The following CTNNA3 variants were observed in gnomAD, a reference collection of about 807,000 sequenced individuals.
CTNNA3 encodes catenin alpha-3.
CTNNA3 carries 76 observed loss-of-function variants against 95.7 expected under a neutral mutation model. The ratio of observed to expected loss-of-function variants is 0.79; its 90% CI spans 0.66 to 0.96. The LOEUF (loss-of-function observed/expected upper bound fraction) is 0.96, where lower values mean the gene tolerates loss of function less well. Among genes scored for constraint, CTNNA3 ranks in the 40% least tolerant of loss-of-function variants. CTNNA3 has a pLI of 0.00. For missense variants in CTNNA3, 1,191 were observed against 1,089.8 expected (o/e 1.09, Z -1.31); for synonymous variants, 431 against 374.4 (o/e 1.15, Z -1.74).
At chr10:66,389,401 G>A (rs2092918502) in intron 11 of CTNNA3, among the ~76,000 whole-genome samples, 1 of 152,086 alleles carries the variant, frequency 6.6e-6, no homozygotes, top group Non-Finnish European at 1.5e-5. Context: ...TCTGAGGTGA[G>A]GGGTGGAATG....
chr10:66,516,025 A>G (rs1171104981), intron 11 of CTNNA3, among the ~76,000 whole-genome samples: 4 of 147,532 alleles, frequency 2.7e-5, no homozygotes, highest in Admixed American at 1.4e-4. Flanking sequence ...GATTGTGCCA[A>G]TTCTCATCAC....
At chr10:67,359,499 A>C (rs1842926201) in intron 5 of CTNNA3, among the ~76,000 whole-genome samples, 1 of 152,166 alleles carries the variant, frequency 6.6e-6, no homozygotes, top group Non-Finnish European at 1.5e-5. Flanking sequence ...AAAACGATCT[A>C]AGAGTTGAAA....
intron 9 of CTNNA3, among the ~76,000 whole-genome samples, chr10:66,643,536 C>T (rs1845588456): frequency 6.6e-6 from 1 of 152,106 alleles, no homozygotes; most frequent in South Asian, 2.1e-4. Flanking sequence ...ATTACTAACC[C>T]CAACTATTCT....
intron 7 of CTNNA3, among the ~76,000 whole-genome samples, chr10:66,840,157 C>T (rs1439156944): frequency 6.6e-6 from 1 of 152,110 alleles, no homozygotes. Flanking sequence ...AAGAAGCCCT[C>T]ACTGCCCAAC....
At chr10:67,721,836 G>A (rs1408801301) in intron 1 of CTNNA3, among the ~76,000 whole-genome samples, 1 of 152,038 alleles carries the variant, frequency 6.6e-6, no homozygotes, top group African/African-American at 2.4e-5. Flanking sequence ...CTTCAGATGG[G>A]GTTTTTGTGT....
At chr10:67,702,975 C>T (rs1336037526) in intron 1 of CTNNA3, among the ~76,000 whole-genome samples, 1 of 152,096 alleles carries the variant, frequency 6.6e-6, no homozygotes, top group Non-Finnish European at 1.5e-5. Flanking sequence ...ATACAAACTA[C>T]CATCAGAGAA....
intron 13 of CTNNA3, among the ~76,000 whole-genome samples, chr10:66,127,217 A>G (rs2082869246): frequency 7.0e-6 from 1 of 142,394 alleles, no homozygotes; most frequent in African/African-American, 2.6e-5. Flanking sequence ...GCTTGCAGTG[A>G]GCTGAGATCG....
At chr10:67,204,843 C>A (rs1438292273) in intron 6 of CTNNA3, among the ~76,000 whole-genome samples, 1 of 152,038 alleles carries the variant, frequency 6.6e-6, no homozygotes, top group Non-Finnish European at 1.5e-5. Context: ...TTTGGTGGGA[C>A]AAGGAGTCAG....
intron 2 of CTNNA3, among the ~76,000 whole-genome samples, chr10:67,629,569 G>A (rs1383387877): frequency 6.6e-6 from 1 of 152,156 alleles, no homozygotes; most frequent in East Asian, 1.9e-4. Flanking sequence ...AAGCAAGTGA[G>A]GTCAATTACA....
intron 13 of CTNNA3, among the ~76,000 whole-genome samples, chr10:66,236,301 T>C (rs867049254): frequency 1.3e-5 from 2 of 152,242 alleles, no homozygotes; most frequent in Middle Eastern, 6.8e-3. Context: ...ACCAACCAAT[T>C]ACAAAAATGA....
At chr10:66,411,756 G>A (rs1297870132) in intron 11 of CTNNA3, among the ~76,000 whole-genome samples, 2 of 152,086 alleles carry the variant, frequency 1.3e-5, no homozygotes, top group Admixed American at 6.6e-5. Context: ...AAACATGGTG[G>A]AGTTCAATTT....
intron 7 of CTNNA3, among the ~76,000 whole-genome samples, chr10:67,047,944 A>T (rs1327499983): frequency 6.6e-6 from 1 of 152,072 alleles, no homozygotes; most frequent in Non-Finnish European, 1.5e-5. Context: ...ATTAGCAGAT[A>T]AGCTTTCTGA....
At chr10:66,649,688 C>A (rs1845828030) in intron 9 of CTNNA3, among the ~76,000 whole-genome samples, 2 of 152,198 alleles carry the variant, frequency 1.3e-5, no homozygotes, top group South Asian at 4.1e-4. Flanking sequence ...CATGCCTGCT[C>A]AATAGACTCA....
intron 5 of CTNNA3, among the ~76,000 whole-genome samples, chr10:67,307,076 C>T (rs1840584507): frequency 6.6e-6 from 1 of 152,126 alleles, no homozygotes; most frequent in South Asian, 2.1e-4. Flanking sequence ...AACAATCTAC[C>T]TGAATTCAAA....
intron 13 of CTNNA3, among the ~76,000 whole-genome samples, chr10:66,215,752 T>TGTCATGATTA (rs1381155994): frequency 6.6e-6 from 1 of 152,178 alleles, no homozygotes; most frequent in Non-Finnish European, 1.5e-5. Context: ...AGTTTAGGTA[T>TGTCATGATTA]CATAGGCTTA....
intron 15 of CTNNA3, among the ~76,000 whole-genome samples, chr10:66,034,471 C>T (rs895912035): frequency 3.9e-5 from 6 of 152,168 alleles, no homozygotes; most frequent in Admixed American, 6.5e-5. Flanking sequence ...TTCAATTCTT[C>T]ACCATTTTCA....
intron 3 of CTNNA3, among the ~76,000 whole-genome samples, chr10:67,600,934 T>C (rs1843064055): frequency 6.6e-6 from 1 of 152,172 alleles, no homozygotes. Flanking sequence ...AAATACAACA[T>C]ACTGTATAGT....
intron 6 of CTNNA3, among the ~76,000 whole-genome samples, chr10:67,204,433 C>T (rs1564970730): frequency 6.6e-6 from 1 of 152,168 alleles, no homozygotes; most frequent in South Asian, 2.1e-4. Context: ...CCTTCACCTT[C>T]CACCACGATT....
At chr10:66,322,874 T>C (rs1464931135) in intron 12 of CTNNA3, among the ~76,000 whole-genome samples, 1 of 151,914 alleles carries the variant, frequency 6.6e-6, no homozygotes, top group Non-Finnish European at 1.5e-5. Context: ...AGCAGAGAGC[T>C]GCTTTTCAAC....
Sources: allele counts gnomAD v4.1 joint callset (sites outside exome capture counted in the v4.1 genomes callset), GRCh38; gene constraint gnomAD v4.1.1; transcripts MANE v1.5; gene names NCBI Gene and HGNC (gene_info 2026-07-23, HGNC 2026-07-21).